Variants in HAT1 observed in about 807,000 individuals in gnomAD.
HAT1 encodes the protein histone acetyltransferase type B catalytic subunit.
In HAT1, 20 loss-of-function variants were observed where a neutral mutation model predicts 56.6. The observed-to-expected ratio is 0.35, with a 90% confidence interval of 0.25 to 0.51. The LOEUF (loss-of-function observed/expected upper bound fraction) is 0.51, where lower values mean the gene tolerates loss of function less well. Among genes scored for constraint, HAT1 ranks in the 20% least tolerant of loss-of-function variants. HAT1 has a pLI of 0.95. For synonymous variants in HAT1, 146 were observed against 165.5 expected, an observed-to-expected ratio of 0.88 and a Z score of 0.91; for missense variants, 408 against 504.3, an observed-to-expected ratio of 0.81 and a Z score of 1.83.
intron 2 of HAT1, among the ~76,000 whole-genome samples, chr2:171,942,871 T>C (rs573035079): frequency 2.0e-5 from 3 of 152,264 alleles, no homozygotes; most frequent in African/African-American, 4.8e-5. Context: ...ATTATTATCA[T>C]AACTAGGCTT....
At chr2:171,972,608 A>G (rs1473157650) in intron 8 of HAT1, among the ~76,000 whole-genome samples, 1 of 152,192 alleles carries the variant, frequency 6.6e-6, no homozygotes, top group African/African-American at 2.4e-5. Flanking sequence ...CAACCCCCAC[A>G]GGCAGCAAGC....
chr2:171,950,712 C>G (rs1300950028), intron 3 of HAT1, among the ~76,000 whole-genome samples: 1 of 152,156 alleles, frequency 6.6e-6, no homozygotes, highest in East Asian at 1.9e-4. Context: ...CCCTGTTGGC[C>G]AGGCTGGTCT....
intron 8 of HAT1, among the ~76,000 whole-genome samples, chr2:171,971,425 A>G (rs969081836): frequency 6.6e-6 from 1 of 152,162 alleles, no homozygotes; most frequent in African/African-American, 2.4e-5. Flanking sequence ...CCTTCCCTAC[A>G]CCCGACGTCC....
intron 4 of HAT1, among the ~76,000 whole-genome samples, chr2:171,956,097 G>A (rs1395879863): frequency 6.6e-6 from 1 of 150,598 alleles, no homozygotes; most frequent in Non-Finnish European, 1.5e-5. Context: ...GATCATTTGA[G>A]GCCAGCAGGT....
chr2:171,957,303 C>T (rs1157600267), intron 4 of HAT1, among the ~76,000 whole-genome samples: 2 of 152,202 alleles, frequency 1.3e-5, no homozygotes, highest in African/African-American at 4.8e-5. Flanking sequence ...ATTCTTAGGC[C>T]TTGAAACCTA....
At chr2:171,972,493 G>C (rs1049393269) in intron 8 of HAT1, among the ~76,000 whole-genome samples, 38 of 152,182 alleles carry the variant, frequency 2.5e-4, no homozygotes, top group African/African-American at 9.2e-4. Context: ...TTGAACTCCA[G>C]GGCTCCAGCT....
rs1213306317 is a variant in HAT1 at position 171,952,968 on chromosome 2, A to G, written c.276A>G (p.Ala92=). ...SLSTMFRVEY[A]SKVDENFDCV... Reference sequence around the variant, plus strand: ...CAACAATGTTCCGTGTTGAATATGCATCTAAAGTTGATGAGAACTTTGACT... The same window carrying G: ...CAACAATGTTCCGTGTTGAATATGCGTCTAAAGTTGATGAGAACTTTGACT... The change falls in exon 4 of 11, where the codon GCA becomes GCG. Residue 92 remains alanine (A), a synonymous_variant. Transcript: ENST00000264108. The G allele has an allele frequency of 9.4e-6, 15 of 1,593,434 alleles. No individual in the cohort carries two copies. The highest frequency in any genetic ancestry group is 1.7e-4 in the Middle Eastern group (1 of 6,016).
chr2:171,957,042 C>G (rs912558359), intron 4 of HAT1, among the ~76,000 whole-genome samples: 24 of 151,840 alleles, frequency 1.6e-4, no homozygotes, highest in African/African-American at 5.8e-4. Context: ...GGAGGACCCT[C>G]TTGTCTAATG....
At chr2:171,952,185 C>A (rs1645721528) in intron 3 of HAT1, among the ~76,000 whole-genome samples, 1 of 152,154 alleles carries the variant, frequency 6.6e-6, no homozygotes, top group African/African-American at 2.4e-5. Context: ...CCCTAAAATG[C>A]ATTAATAGTC....
intron 4 of HAT1, among the ~76,000 whole-genome samples, chr2:171,960,656 T>G (rs1687550351): frequency 6.6e-6 from 1 of 152,168 alleles, no homozygotes; most frequent in African/African-American, 2.4e-5. Context: ...TAATTCTGAA[T>G]TTTACAATAC....
intron 2 of HAT1, among the ~76,000 whole-genome samples, chr2:171,942,058 C>T (rs940081006): frequency 6.6e-6 from 1 of 152,016 alleles, no homozygotes; most frequent in East Asian, 1.9e-4. Context: ...GTGCACACCA[C>T]CACACCCAGC....
At chr2:171,930,417 A>AC (rs1256736512) in intron 2 of HAT1, among the ~76,000 whole-genome samples, 1 of 152,068 alleles carries the variant, frequency 6.6e-6, no homozygotes, top group East Asian at 1.9e-4. Context: ...TGATCTGCCC[A>AC]CCTAGGCCTC....
chr2:171,925,890 A>G (rs1427525212), intron 2 of HAT1, among the ~76,000 whole-genome samples: 2 of 152,238 alleles, frequency 1.3e-5, no homozygotes, highest in South Asian at 2.1e-4. Flanking sequence ...ATAAGTATAT[A>G]TAGTTTTAGC....
intron 9 of HAT1, among the ~76,000 whole-genome samples, chr2:171,977,549 ATATATATATTTTTTTTTT>A (rs1384200155): frequency 7.1e-5 from 1 of 14,148 alleles, no homozygotes; most frequent in East Asian, 2.1e-3. Flanking sequence ...ATATATATAT[ATATATATATTTTTTTTTT>A]TTTTTTTTTT....
chr2:171,925,615 C>T lies in HAT1; in HGVS notation c.86C>T (p.Thr29Ile), dbSNP rs1166028025. The T allele has an allele frequency of 5.2e-6, 8 of 1,540,192 alleles. No individual in the cohort carries two copies. Among genetic ancestry groups the T allele is most frequent in the Non-Finnish European group, 7.2e-6 (8 of 1,112,968 alleles). The change falls in exon 2 of 11, where the codon ACC becomes ATC. Residue 29 changes from threonine (T) to isoleucine (I), a missense_variant. Physicochemically the swap from Thr to Ile is moderately conservative, Grantham distance 89. Transcript: ENST00000264108. ...AAACTGGCAGAGTACAAATGTAACA[C>T]CAACACAGCAATTGAACTAAAATTA... ...EKKLAEYKCNTNTAIELKLVR... is the reference protein window; with the variant it reads ...EKKLAEYKCNINTAIELKLVR...
At chr2:171,958,328 T>C (rs191660220) in intron 4 of HAT1, among the ~76,000 whole-genome samples, 1 of 151,928 alleles carries the variant, frequency 6.6e-6, no homozygotes, top group East Asian at 1.9e-4. Context: ...TCTCTCTCTC[T>C]CCCGTTATTT....
At chr2:171,956,401 A>G (rs963527869) in intron 4 of HAT1, among the ~76,000 whole-genome samples, 1 of 151,214 alleles carries the variant, frequency 6.6e-6, no homozygotes, top group Non-Finnish European at 1.5e-5. Flanking sequence ...AGTTCCAGCT[A>G]CTCTGGAGCC....
At chr2:171,953,597 C>G (rs547523817) in intron 4 of HAT1, among the ~76,000 whole-genome samples, 1 of 119,536 alleles carries the variant, frequency 8.4e-6, no homozygotes, top group African/African-American at 3.3e-5. Flanking sequence ...TGCACTCCAG[C>G]CCGGGCAACA....
chr2:171,962,706 A>T (rs1687602836), intron 4 of HAT1, among the ~76,000 whole-genome samples: 1 of 152,112 alleles, frequency 6.6e-6, no homozygotes. Flanking sequence ...GTGTCTTTTT[A>T]AAAATTTTTT....
Sources: allele counts gnomAD v4.1 joint callset (sites outside exome capture counted in the v4.1 genomes callset), GRCh38; gene constraint gnomAD v4.1.1; transcripts MANE v1.5; gene names NCBI Gene and HGNC (gene_info 2026-07-23, HGNC 2026-07-21).